Variants in ABCA13 observed in about 807,000 individuals in gnomAD.
ABCA13 encodes the protein ATP binding cassette subfamily A member 13.
ABCA13 carries 476 observed loss-of-function variants against 478.7 expected under a neutral mutation model. The observed-to-expected ratio is 0.99, with a 90% CI of 0.92 to 1.07. The LOEUF is 1.07. ABCA13 is among the 50% of genes least tolerant of loss of function. The pLI, the probability that ABCA13 is intolerant of heterozygous loss-of-function variation, is 0.00. For missense variants in ABCA13, 6,060 were observed against 5,910.6 expected, an observed-to-expected ratio of 1.03 and a Z score of -0.83; for synonymous variants, 2,252 against 2,158.9, an observed-to-expected ratio of 1.04 and a Z score of -1.20.
At chr7:48,412,679 T>C in intron 41 of ABCA13, 96 bp downstream of exon 41, 11 of 494,164 alleles carry the variant, frequency 2.2e-5, no homozygotes, top group African/African-American at 2.2e-5. Flanking sequence ...GAGATGTGGG[T>C]AAGGGGGAGG....
At chr7:48,256,548 T>G (rs1793415539) in intron 15 of ABCA13, among the ~76,000 whole-genome samples, 1 of 152,214 alleles carries the variant, frequency 6.6e-6, no homozygotes, top group Non-Finnish European at 1.5e-5. Flanking sequence ...TTTTATTGAT[T>G]AAGGAATCCT....
chr7:48,309,878 C>T, intron 23 of ABCA13, 69 bp from the exon 24 acceptor site: 1 of 1,559,574 alleles, frequency 6.4e-7, no homozygotes, highest in East Asian at 2.3e-5. Flanking sequence ...CGATGAAGCT[C>T]CGGTCTGAGG....
At chr7:48,475,458 ATTTTTTTTTTTT>A (rs398047655) in intron 45 of ABCA13, among the ~76,000 whole-genome samples, 2 of 100,476 alleles carry the variant, frequency 2.0e-5, no homozygotes, top group Admixed American at 1.3e-4. Context: ...TGTCAATTTA[ATTTTTTTTTTTT>A]TTTTTTTTTT....
chr7:48,275,390 T>C lies in ABCA13; in HGVS notation c.5724T>C (p.His1908=), dbSNP rs770187952. 2.5e-6 allele frequency: 4 copies of C among 1,614,000 alleles called. No individual in the cohort carries two copies. The highest frequency in any genetic ancestry group is 3.4e-6 in the Non-Finnish European group (4 of 1,179,874). ...SILLELSEVF[H]VNISLVKTVQ... ...TTCTGGAGCTCTCTGAAGTCTTCCA[T>C]GTTAACATTTCTCTTGTGAAAACTG... is the stretch of plus-strand genomic sequence containing the variant. Residue 1908 remains histidine (H), a synonymous_variant, in exon 17 of 62, where the codon CAT becomes CAC. Transcript: ENST00000435803.
At chr7:48,442,778 G>A (rs1823801091) in intron 42 of ABCA13, among the ~76,000 whole-genome samples, 1 of 152,164 alleles carries the variant, frequency 6.6e-6, no homozygotes, top group Admixed American at 6.5e-5. Context: ...CTCAGGAGAC[G>A]CTGCTAGTCC....
intron 15 of ABCA13, among the ~76,000 whole-genome samples, chr7:48,250,202 C>T (rs1396843515): frequency 6.6e-6 from 1 of 152,030 alleles, no homozygotes; most frequent in East Asian, 1.9e-4. Context: ...GCTTCTATGC[C>T]CTCTCCAGGC....
chr7:48,489,250 G>A lies in ABCA13; in HGVS notation c.13197G>A (p.Gln4399=). The change falls in exon 48 of 62, where the codon CAG becomes CAA. Residue 4399 remains glutamine, a synonymous_variant. Coordinates refer to ENST00000435803, the MANE Select transcript of ABCA13 (RefSeq NM_152701.5). ...TCTTTTTTTAGGTGTGGTATAATCA[G>A]AAGGGTTTTCATTCCCTACCTTCCT... ...PPTLAKVWYN[Q]KGFHSLPSYL... is the part of the protein sequence containing the mutation. The A allele has an allele frequency of 6.2e-7, 1 of 1,611,114 alleles. No individual in the cohort carries two copies. Among genetic ancestry groups the A allele is most frequent in the Admixed American group, 1.7e-5 (1 of 59,732 alleles).
chr7:48,362,775 A>C (rs1004398393), intron 31 of ABCA13, among the ~76,000 whole-genome samples: 1 of 151,992 alleles, frequency 6.6e-6, no homozygotes, highest in African/African-American at 2.4e-5. Flanking sequence ...ATTTCATCAT[A>C]TATTTTCTCT....
intron 23 of ABCA13, among the ~76,000 whole-genome samples, chr7:48,305,737 T>C (rs1032145570): frequency 5.9e-5 from 9 of 152,324 alleles, no homozygotes; most frequent in Admixed American, 3.3e-4. Context: ...ATGCCTCTCC[T>C]AAGGATCATT....
At chr7:48,234,669 A>C (rs996452001) in intron 8 of ABCA13, among the ~76,000 whole-genome samples, 1 of 152,224 alleles carries the variant, frequency 6.6e-6, no homozygotes, top group Non-Finnish European at 1.5e-5. Flanking sequence ...CCCAAGACCC[A>C]GTTCACTGTT....
intron 43 of ABCA13, among the ~76,000 whole-genome samples, chr7:48,462,920 T>C (rs759496359): frequency 7.2e-5 from 11 of 152,236 alleles, no homozygotes; most frequent in Non-Finnish European, 1.2e-4. Context: ...CAAATCCATC[T>C]TTTAATTCTT....
chr7:48,288,835 T>C (rs1186833077), intron 20 of ABCA13, among the ~76,000 whole-genome samples: 2 of 152,062 alleles, frequency 1.3e-5, no homozygotes, highest in Non-Finnish European at 2.9e-5. Flanking sequence ...TCAGACAATG[T>C]GTCTCTTATT....
chr7:48,495,077 T>G (rs1830160907), intron 48 of ABCA13, among the ~76,000 whole-genome samples: 1 of 152,116 alleles, frequency 6.6e-6, no homozygotes, highest in Non-Finnish European at 1.5e-5. Context: ...TCTGTACCAA[T>G]AGATTGGAAG....
chr7:48,622,813 G>T (rs557918300), intron 59 of ABCA13, among the ~76,000 whole-genome samples: 25 of 152,218 alleles, frequency 1.6e-4, no homozygotes, highest in African/African-American at 6.0e-4. Flanking sequence ...CTACAAAGTA[G>T]CTGTTATTAT....
chr7:48,322,539 T>A (rs1447285188), intron 27 of ABCA13, among the ~76,000 whole-genome samples: 1 of 152,114 alleles, frequency 6.6e-6, no homozygotes, highest in Non-Finnish European at 1.5e-5. Flanking sequence ...GCCATGTCTC[T>A]CCCTGTTCCC....
intron 15 of ABCA13, among the ~76,000 whole-genome samples, chr7:48,265,900 T>C (rs564403813): frequency 4.5e-4 from 68 of 151,866 alleles, no homozygotes; most frequent in African/African-American, 1.6e-3. Context: ...TAGGTTTTCA[T>C]AGATACTTTT....
At chr7:48,429,497 T>C (rs987056695) in intron 42 of ABCA13, among the ~76,000 whole-genome samples, 1 of 152,200 alleles carries the variant, frequency 6.6e-6, no homozygotes, top group African/African-American at 2.4e-5. Flanking sequence ...GTGTATCTCA[T>C]TGTGGGTTTT....
chr7:48,292,525 A>T (rs2128816153), intron 20 of ABCA13, among the ~76,000 whole-genome samples: 1 of 152,164 alleles, frequency 6.6e-6, no homozygotes, highest in East Asian at 1.9e-4. Context: ...CTTATTTGGA[A>T]TAGGTGTCCG....
chr7:48,502,454 T>A (rs888640294), intron 48 of ABCA13, among the ~76,000 whole-genome samples: 15 of 152,208 alleles, frequency 9.9e-5, no homozygotes, highest in African/African-American at 2.9e-4. Flanking sequence ...CTTGGTAGTT[T>A]AATATTTTAT....
Sources: gnomAD v4.1 joint callset for allele counts (sites outside exome capture counted in the v4.1 genomes callset) on GRCh38, gnomAD v4.1.1 for gene constraint, MANE v1.5 for transcripts, NCBI Gene and HGNC (gene_info 2026-07-23, HGNC 2026-07-21) for gene names.